The following MIDEAS variants were observed in gnomAD, a reference collection of about 807,000 sequenced individuals.
The protein encoded by MIDEAS is mitotic deacetylase-associated SANT domain protein.
A neutral mutation model predicts 102.7 loss-of-function variants in MIDEAS; 26 were observed. The observed-to-expected ratio is 0.25, with a 90% CI of 0.19 to 0.35. The LOEUF (loss-of-function observed/expected upper bound fraction) is 0.35, where lower values mean the gene tolerates loss of function less well. MIDEAS is among the 10% of genes least tolerant of loss of function. The pLI, the probability that MIDEAS is intolerant of heterozygous loss-of-function variation, is 1.00. For synonymous variants in MIDEAS, 585 were observed against 591.0 expected (o/e 0.99, Z 0.15); for missense variants, 1,231 against 1,435.6 (o/e 0.86, Z 2.30).
chr14:73,770,346 G>GTGATGATGATGATGACGATGATGA (rs1555345788), intron 1 of MIDEAS, among the ~76,000 whole-genome samples: 5 of 144,708 alleles, frequency 3.5e-5, no homozygotes, highest in African/African-American at 1.2e-4. Flanking sequence ...AGTAACGACG[G>GTGATGATGATGATGACGATGATGA]TGATGATGAT....
intron 3 of MIDEAS, among the ~76,000 whole-genome samples, chr14:73,734,545 C>T (rs1196772284): frequency 6.6e-6 from 1 of 151,636 alleles, no homozygotes; most frequent in African/African-American, 2.4e-5. Flanking sequence ...GAAACTGGGA[C>T]TACAGGTGTG....
intron 1 of MIDEAS, among the ~76,000 whole-genome samples, chr14:73,747,677 A>G (rs1316287798): frequency 1.6e-5 from 2 of 127,568 alleles, no homozygotes; most frequent in African/African-American, 5.9e-5. Flanking sequence ...AGACTAGTTC[A>G]TGGGTCTGGT....
Position 73,718,124 on chromosome 14 carries a change from G to C in MIDEAS, c.*719C>G, listed in dbSNP as rs1566579032. Reference sequence around the variant, plus strand: ...AGCTCCCTTCCCTGCAGCAGGATGAGTGCTTTGGACAAGAACGCTAGCCCC... The same window carrying C: ...AGCTCCCTTCCCTGCAGCAGGATGACTGCTTTGGACAAGAACGCTAGCCCC... On this transcript the variant is annotated 3_prime_UTR_variant, in exon 13 of 13. Transcript: ENST00000423556. 6.6e-6 allele frequency: 1 copy of C among 152,580 alleles called. No individual in the cohort carries two copies. The highest frequency in any genetic ancestry group is 2.4e-5 in the African/African-American group (1 of 41,464). 9.5% of individuals were successfully genotyped at this position (152,580 alleles called of 1,614,324 possible).
chr14:73,733,662 A>G (rs1262211667), intron 3 of MIDEAS, among the ~76,000 whole-genome samples: 1 of 152,216 alleles, frequency 6.6e-6, no homozygotes, highest in Non-Finnish European at 1.5e-5. Flanking sequence ...AGCTAAAAGT[A>G]CTAACAGATT....
At chr14:73,754,371 C>T (rs975070957) in intron 1 of MIDEAS, among the ~76,000 whole-genome samples, 1 of 152,240 alleles carries the variant, frequency 6.6e-6, no homozygotes, top group East Asian at 1.9e-4. Context: ...GACTCACTCA[C>T]GCACATGCAA....
At chr14:73,772,966 G>A (rs921413065) in intron 1 of MIDEAS, among the ~76,000 whole-genome samples, 1 of 151,982 alleles carries the variant, frequency 6.6e-6, no homozygotes, top group Admixed American at 6.6e-5. Context: ...AGCCTCCCGA[G>A]TAGCTAGGGT....
chr14:73,782,619 C>T (rs1337676809), intron 1 of MIDEAS, among the ~76,000 whole-genome samples: 2 of 152,190 alleles, frequency 1.3e-5, no homozygotes, highest in South Asian at 2.1e-4. Flanking sequence ...CATAAGCCAC[C>T]GCACCTGGCT....
At chr14:73,727,062 G>A in intron 5 of MIDEAS, 90 bp from the exon 6 acceptor site, 1 of 1,471,124 alleles carries the variant, frequency 6.8e-7, no homozygotes, top group Non-Finnish European at 9.1e-7. Flanking sequence ...AGATGAGGGG[G>A]AGCCGGCAGA....
At chr14:73,719,236 A>ACCC in intron 12 of MIDEAS, 69 bp downstream of exon 12, 2 of 420,194 alleles carry the variant, frequency 4.8e-6, no homozygotes, top group Admixed American at 6.5e-5. Context: ...CCTCCCCTCC[A>ACCC]CCCCACCCCC....
intron 1 of MIDEAS, among the ~76,000 whole-genome samples, chr14:73,774,741 G>A (rs988856422): frequency 6.6e-5 from 10 of 151,912 alleles, no homozygotes; most frequent in African/African-American, 1.7e-4. Flanking sequence ...GAGACACCAA[G>A]GTGGCAGCCC....
intron 1 of MIDEAS, among the ~76,000 whole-genome samples, chr14:73,767,319 C>T (rs1223531586): frequency 6.6e-6 from 1 of 152,176 alleles, no homozygotes; most frequent in African/African-American, 2.4e-5. Flanking sequence ...ATTATCTGAG[C>T]TCAGTAGCTG....
At position 73,738,664 on chromosome 14, in the gene MIDEAS, C is replaced by T. The variant is rs902242745; in HGVS notation, c.1345G>A (p.Gly449Arg). Residue 449 changes from glycine (G) to arginine (R), a missense_variant, in exon 2 of 13, where the codon GGA becomes AGA. This residue lies in a region of MIDEAS where 758 missense variants were observed against 856.0 expected (regional missense o/e 0.89). Transcript: ENST00000423556. ...CTCCGTCGCGTGCTCTGGATCACTC[C>T]GCCCCGTAGCACCTGCCCACAGTCC... is the stretch of plus-strand genomic sequence containing the variant. ...TGDCGQVLRG[G>R]VIQSTRRRRR... 19 of 1,613,860 alleles carry T rather than the reference C, an allele frequency of 1.2e-5. No homozygotes were observed. Among genetic ancestry groups the T allele is most frequent in the Non-Finnish European group, 1.4e-5 (16 of 1,179,946 alleles).
At chr14:73,734,840 G>T (rs1437202565) in intron 3 of MIDEAS, among the ~76,000 whole-genome samples, 2 of 152,116 alleles carry the variant, frequency 1.3e-5, no homozygotes, top group African/African-American at 4.8e-5. Context: ...AGAAATACGG[G>T]TAAGAAGAAT....
In MIDEAS at chr14:73,718,393, C is replaced by CA. The variant is rs2052926158; in HGVS notation, c.*449dup. On this transcript the variant is annotated 3_prime_UTR_variant, in exon 13 of 13. Coordinates refer to ENST00000423556, the MANE Select transcript of MIDEAS (RefSeq NM_001367710.1). Reference sequence around the variant, plus strand: ...TCTGGGGCTTGGGGCAGGGCCGTTGCAGCCTTCGAGGTCCTCTGGGGAGGA... The same window carrying CA: ...TCTGGGGCTTGGGGCAGGGCCGTTGCAAGCCTTCGAGGTCCTCTGGGGAGGA... The CA allele has an allele frequency of 6.5e-6, 1 of 153,864 alleles. No individual in the cohort carries two copies. Among genetic ancestry groups the CA allele is most frequent in the Non-Finnish European group, 1.4e-5 (1 of 69,322 alleles). The allele number at this position is 153,864 out of a possible 1,614,324, so 9.5% of individuals were successfully genotyped here.
At chr14:73,723,820 C>G (rs2053027528) in intron 9 of MIDEAS, 1 of 152,188 alleles carries the variant, frequency 6.6e-6, no homozygotes, top group African/African-American at 2.4e-5. Flanking sequence ...CCTGACCTGG[C>G]AACACAGACG....
chr14:73,731,338 C>A (rs1199447464), intron 3 of MIDEAS, among the ~76,000 whole-genome samples: 1 of 152,200 alleles, frequency 6.6e-6, no homozygotes, highest in East Asian at 1.9e-4. Context: ...TAAACACATT[C>A]CAGCAGAGGG....
At chr14:73,765,021 G>A (rs2053583000), upstream of MIDEAS, among the ~76,000 whole-genome samples, 1 of 152,252 alleles carries the variant, frequency 6.6e-6, no homozygotes, top group South Asian at 2.1e-4. Flanking sequence ...AGAGCCACAG[G>A]ACTGAAACGC....
Position 73,739,187 on chromosome 14 carries a change from G to C in MIDEAS, c.822C>G (p.Phe274Leu). ...ALPQMPLFEN[F>L]YSMPQQPSQQ... Reference sequence around the variant, plus strand: ...GCGAGGGTTGCTGCGGCATGGAATAGAAGTTCTCAAAGAGCGGCATCTGGG... The same window carrying C: ...GCGAGGGTTGCTGCGGCATGGAATACAAGTTCTCAAAGAGCGGCATCTGGG... The change falls in exon 2 of 13, where the codon TTC becomes TTG. Residue 274 changes from phenylalanine (F) to leucine (L), a missense_variant. By Grantham distance (22) the Phe-to-Leu change is conservative. Transcript: ENST00000423556. 6.2e-7 allele frequency: 1 copy of C among 1,613,928 alleles called. No individual in the cohort carries two copies. The highest frequency in any genetic ancestry group is 8.5e-7 in the Non-Finnish European group (1 of 1,179,968).
Position 73,737,166 on chromosome 14 carries a change from G to C in MIDEAS, c.1581C>G (p.Ile527Met), listed in dbSNP as rs146393886. 176 of 1,614,110 alleles carry C rather than the reference G, an allele frequency of 1.1e-4. 3 individuals carry two copies. The South Asian group carries it at 1.8e-3, about 17-fold the overall frequency. Reference sequence around the variant, plus strand: ...CAGTTCGCACAGGCACAGACACTGGGATGATGAGGGGTACCATCCCACTGT... The same window carrying C: ...CAGTTCGCACAGGCACAGACACTGGCATGATGAGGGGTACCATCCCACTGT... ...REDSGMVPLI[I>M]PVSVPVRTVD... The change falls in exon 3 of 13, where the codon ATC becomes ATG. Residue 527 changes from isoleucine to methionine, a missense_variant. Transcript: ENST00000423556.
Sources: gnomAD v4.1 joint callset for allele counts (sites outside exome capture counted in the v4.1 genomes callset) on GRCh38, gnomAD v4.1.1 for gene constraint, gnomAD v4.1.1 regional missense constraint, MANE v1.5 for transcripts, NCBI Gene and HGNC (gene_info 2026-07-23, HGNC 2026-07-21) for gene names.